Variants in CHODL observed in about 807,000 individuals in gnomAD.
CHODL encodes the protein transmembrane protein MT75.
Under a neutral mutation model 34.5 loss-of-function variants are expected in CHODL, and 29 were observed. That is an observed-to-expected ratio of 0.84 (90% CI 0.63 to 1.15). CHODL has a LOEUF of 1.15. Among genes scored for constraint, CHODL ranks in the 50% most tolerant of loss-of-function variants. The probability of loss-of-function intolerance (pLI) is 0.00; values close to 1 mark genes in which losing one functional copy is unlikely to be tolerated. For missense variants in CHODL, 332 were observed against 332.5 expected (o/e 1.00, Z 0.01); for synonymous variants, 125 against 116.1 (o/e 1.08, Z -0.49).
intron 1 of CHODL, among the ~76,000 whole-genome samples, chr21:17,957,282 A>G (rs1054979185): frequency 2.0e-5 from 3 of 152,168 alleles, no homozygotes; most frequent in Admixed American, 6.5e-5. Context: ...ATGTCAGTCT[A>G]TTCTTCGGTT....
intron 1 of CHODL, among the ~76,000 whole-genome samples, chr21:17,933,537 C>T (rs909572412): frequency 6.6e-6 from 1 of 152,148 alleles, no homozygotes; most frequent in African/African-American, 2.4e-5. Flanking sequence ...GCACATGTTT[C>T]AGAGAGCACG....
intron 2 of CHODL, among the ~76,000 whole-genome samples, chr21:18,047,552 A>C (rs1050569635): frequency 6.6e-6 from 1 of 151,920 alleles, no homozygotes; most frequent in Non-Finnish European, 1.5e-5. Context: ...AGAGCACAGC[A>C]GTTTAGCCGT....
At chr21:18,244,192 C>T (rs990497307), upstream of CHODL, among the ~76,000 whole-genome samples, 3 of 152,196 alleles carry the variant, frequency 2.0e-5, no homozygotes, top group African/African-American at 7.2e-5. Flanking sequence ...CATTTTACCT[C>T]CAGGAAATTC....
intron 2 of CHODL, among the ~76,000 whole-genome samples, chr21:18,131,633 G>GT (rs2072656065): frequency 6.6e-6 from 1 of 152,014 alleles, no homozygotes; most frequent in Non-Finnish European, 1.5e-5. Context: ...TTGGACACTG[G>GT]TTTTTTAATA....
At chr21:18,254,028 C>T (rs2074287328) in intron 1 of CHODL, among the ~76,000 whole-genome samples, 1 of 152,072 alleles carries the variant, frequency 6.6e-6, no homozygotes, top group Non-Finnish European at 1.5e-5. Flanking sequence ...GTGCCTTTCT[C>T]CCTCTGAGTG....
chr21:18,088,261 T>C (rs949096903), intron 2 of CHODL, among the ~76,000 whole-genome samples: 1 of 152,150 alleles, frequency 6.6e-6, no homozygotes, highest in African/African-American at 2.4e-5. Flanking sequence ...AGTCTTCTCA[T>C]GTCTCAGTCT....
At chr21:18,060,696 T>G (rs537169554) in intron 2 of CHODL, among the ~76,000 whole-genome samples, 1 of 135,410 alleles carries the variant, frequency 7.4e-6, no homozygotes, top group South Asian at 2.2e-4. Flanking sequence ...GTAGTAAATC[T>G]TACTCCTCGG....
chr21:18,090,894 G>A (rs1409231982), intron 2 of CHODL, among the ~76,000 whole-genome samples: 2 of 152,094 alleles, frequency 1.3e-5, no homozygotes, highest in African/African-American at 4.8e-5. Context: ...CCCAAATCAG[G>A]TGAGCAGTCA....
chr21:18,001,812 T>G (rs954537556), intron 1 of CHODL, among the ~76,000 whole-genome samples: 1 of 149,690 alleles, frequency 6.7e-6, no homozygotes. Context: ...CCCACAATCC[T>G]GTTACCATAG....
chr21:18,116,550 T>C (rs2065415469), intron 2 of CHODL, among the ~76,000 whole-genome samples: 1 of 152,324 alleles, frequency 6.6e-6, no homozygotes, highest in South Asian at 2.1e-4. Context: ...TTTTCTTTTT[T>C]GTTTGAGCTT....
chr21:18,226,644 C>G (rs2073934017), intron 2 of CHODL, among the ~76,000 whole-genome samples: 1 of 152,064 alleles, frequency 6.6e-6, no homozygotes, highest in African/African-American at 2.4e-5. Context: ...CTTCCTGTCT[C>G]TTAGCAATAC....
intron 1 of CHODL, among the ~76,000 whole-genome samples, chr21:17,963,081 ATAATAAT>A (rs2063545275): frequency 2.0e-5 from 3 of 149,378 alleles, no homozygotes; most frequent in African/African-American, 5.0e-5. Context: ...AAAAATAATA[ATAATAAT>A]AATAATAACT....
chr21:17,990,533 A>G (rs1021702572), intron 1 of CHODL, among the ~76,000 whole-genome samples: 1 of 152,110 alleles, frequency 6.6e-6, no homozygotes, highest in Non-Finnish European at 1.5e-5. Context: ...CATTTCCACT[A>G]CGGTTTCAAG....
At chr21:18,001,501 T>A (rs1246724031) in intron 1 of CHODL, among the ~76,000 whole-genome samples, 1 of 152,204 alleles carries the variant, frequency 6.6e-6, no homozygotes, top group East Asian at 1.9e-4. Flanking sequence ...CAGTTAAAAG[T>A]CATAATGGCT....
chr21:17,924,948 G>A (rs898491359), intron 1 of CHODL, among the ~76,000 whole-genome samples: 1 of 152,072 alleles, frequency 6.6e-6, no homozygotes, highest in Admixed American at 6.6e-5. Flanking sequence ...TTAAGCCTGT[G>A]GTCTGAATTA....
chr21:18,198,725 A>G (rs1366129453), intron 2 of CHODL, among the ~76,000 whole-genome samples: 1 of 152,110 alleles, frequency 6.6e-6, no homozygotes, highest in Non-Finnish European at 1.5e-5. Context: ...TTAATATGTC[A>G]TATTTTTACT....
intron 2 of CHODL, among the ~76,000 whole-genome samples, chr21:18,151,404 G>C (rs1301667606): frequency 6.6e-6 from 1 of 152,158 alleles, no homozygotes; most frequent in Non-Finnish European, 1.5e-5. Flanking sequence ...GAGGTTCCTA[G>C]AGCATGTCAT....
intron 1 of CHODL, among the ~76,000 whole-genome samples, chr21:17,947,866 G>A (rs987208690): frequency 6.6e-6 from 1 of 152,112 alleles, no homozygotes; most frequent in Non-Finnish European, 1.5e-5. Context: ...TATTTTTGCA[G>A]CACTATTTAT....
At chr21:18,249,195 T>C (rs1025262061) in intron 1 of CHODL, among the ~76,000 whole-genome samples, 3 of 145,228 alleles carry the variant, frequency 2.1e-5, no homozygotes, top group Admixed American at 1.4e-4. Context: ...TCACAAACAA[T>C]TTTTACTATT....
Sources: allele counts gnomAD v4.1 joint callset (sites outside exome capture counted in the v4.1 genomes callset), GRCh38; gene constraint gnomAD v4.1.1; transcripts MANE v1.5; gene names NCBI Gene and HGNC (gene_info 2026-07-23, HGNC 2026-07-21).